TRPV3: variants seen among roughly 807,000 people sequenced by gnomAD.
TRPV3 encodes VRL-3.
In TRPV3, 88 loss-of-function variants were observed where a neutral mutation model predicts 87.1. That is an observed-to-expected ratio of 1.01 (90% CI 0.85 to 1.21). The LOEUF is 1.21. Ranked by LOEUF, TRPV3 falls within the 50% of genes most tolerant of loss-of-function variation. The pLI is 0.00. For synonymous variants in TRPV3, 438 were observed against 423.3 expected, an observed-to-expected ratio of 1.03 and a Z score of -0.43; for missense variants, 1,054 against 1,030.1, an observed-to-expected ratio of 1.02 and a Z score of -0.32.
intron 2 of TRPV3, among the ~76,000 whole-genome samples, chr17:3,550,895 G>T (rs902812800): frequency 6.6e-6 from 1 of 152,138 alleles, no homozygotes; most frequent in Non-Finnish European, 1.5e-5. Context: ...AGAAACTCAG[G>T]GAGACCGAAG....
At chr17:3,540,131 C>CA (rs547622749) in intron 6 of TRPV3, among the ~76,000 whole-genome samples, 111 of 151,758 alleles carry the variant, frequency 7.3e-4, no homozygotes, top group African/African-American at 2.6e-3. Flanking sequence ...ATTTTAGATA[C>CA]AAAAAAATGC....
At chr17:3,514,067 C>A in intron 17 of TRPV3, 56 bp from the exon 18 acceptor site, 10 of 1,418,150 alleles carry the variant, frequency 7.1e-6, no homozygotes, top group Non-Finnish European at 9.6e-6. Context: ...TAGTGTGTTT[C>A]TTTTTTCTTT....
chr17:3,513,978 T>C lies in TRPV3; in HGVS notation c.2312A>G (p.Asn771Ser), dbSNP rs2074147649. The change falls in exon 18 of 18, where the codon AAC becomes AGC. Residue 771 changes from asparagine (N) to serine (S), a missense_variant. By Grantham distance (46) the Asn-to-Ser change is conservative. Transcript: ENST00000576742. ...AAATGCATTGAGAGTGGTTTTGCTG[T>C]TGTTCCTGGAAGAATCTTGGATTTT... Reference protein sequence around the residue: ...FNKIQDSSRNNSKTTLNAFEE... With the variant: ...FNKIQDSSRNSSKTTLNAFEE... 1 of 1,613,968 alleles carries C rather than the reference T, an allele frequency of 6.2e-7. No individual in the cohort carries two copies. The highest frequency in any genetic ancestry group is 8.5e-7 in the Non-Finnish European group (1 of 1,179,960).
rs376004416 is a variant in TRPV3, at chr17:3,521,086, T to G, written c.1744-47A>C. ...TCAAGTGTAAGGTGCAAGCACATAT[T>G]CACGGCACCCTGATCTTCCTGCTTC... On this transcript the variant is annotated intron_variant, in intron 13 of 17. Coordinates refer to ENST00000576742, the MANE Select transcript of TRPV3 (RefSeq NM_145068.4). 27 of 1,270,994 alleles carry G rather than the reference T, an allele frequency of 2.1e-5. No homozygotes were observed. In the African/African-American group the frequency reaches 3.4e-4, roughly 16 times the overall value. The allele number at this position is 1,270,994 out of a possible 1,614,324, so 78.7% of individuals were successfully genotyped here.
chr17:3,552,839 G>C (rs2074591905), intron 2 of TRPV3: 1 of 152,290 alleles, frequency 6.6e-6, no homozygotes, highest in African/African-American at 2.4e-5. Flanking sequence ...GGGCAGGAGA[G>C]CCAGGGAGGT....
At chr17:3,524,398 T>G (rs1337168120) in intron 12 of TRPV3, 35 bp from the exon 13 acceptor site, 1 of 1,610,932 alleles carries the variant, frequency 6.2e-7, no homozygotes, top group South Asian at 1.1e-5. Flanking sequence ...GGGCCTTACT[T>G]ACTTCTCAGC....
Position 3,524,182 on chromosome 17 carries a change from G to A in TRPV3, c.1743+16C>T, listed in dbSNP as rs532327365. On this transcript the variant is annotated intron_variant, in intron 13 of 17. Coordinates refer to ENST00000576742, the MANE Select transcript of TRPV3 (RefSeq NM_145068.4). ...ATCCTCCGAGGGCCCTCCCGCCGGCGCAGCTCTCAACGCACCTTCTGGATC... is the reference window on the plus strand; with the variant it reads ...ATCCTCCGAGGGCCCTCCCGCCGGCACAGCTCTCAACGCACCTTCTGGATC... 815 of 1,611,882 alleles carry A rather than the reference G, an allele frequency of 5.1e-4. 6 individuals are homozygous for A. The South Asian group carries it at 7.3e-3, about 14-fold the overall frequency.
At chr17:3,543,028 A>G in intron 5 of TRPV3, among the ~76,000 whole-genome samples, 1 of 151,370 alleles carries the variant, frequency 6.6e-6, no homozygotes, top group Non-Finnish European at 1.5e-5. Context: ...AATAAAGCTC[A>G]TGGCCTCCCC....
At chr17:3,543,274 C>T (rs74853254) in intron 5 of TRPV3, among the ~76,000 whole-genome samples, 200 bp downstream of exon 5, 2,174 of 152,262 alleles carry the variant, frequency 0.014, 43 homozygotes, top group African/African-American at 0.049. Flanking sequence ...ATCTTCCACA[C>T]AGTAGTCAGA....
At chr17:3,527,848 T>A (rs1439747955) in intron 11 of TRPV3, 177 bp downstream of exon 11, 1 of 596,690 alleles carries the variant, frequency 1.7e-6, no homozygotes, top group African/African-American at 1.9e-5. Context: ...ATGGATGAAG[T>A]AGGTAGGATA....
At chr17:3,519,510 T>TGGATGGATGGATGGATGGGTGGA (rs2074218242) in intron 14 of TRPV3, among the ~76,000 whole-genome samples, 1 of 70,250 alleles carries the variant, frequency 1.4e-5, no homozygotes, top group African/African-American at 5.9e-5. Context: ...GGATGGGTGA[T>TGGATGGATGGATGGATGGGTGGA]TAGATGGATG....
intron 15 of TRPV3, among the ~76,000 whole-genome samples, chr17:3,517,756 T>C (rs1006358220): frequency 2.0e-5 from 3 of 151,356 alleles, no homozygotes; most frequent in African/African-American, 4.8e-5. Flanking sequence ...CCCTCTTTCA[T>C]AGGTTGTTCT....
chr17:3,519,685 G>T (rs1176649311), intron 14 of TRPV3, among the ~76,000 whole-genome samples: 2 of 142,086 alleles, frequency 1.4e-5, no homozygotes, highest in East Asian at 2.2e-4. Flanking sequence ...TGGATGGATG[G>T]ATGATTGGAT....
intron 11 of TRPV3, 99 bp downstream of exon 11, chr17:3,527,926 C>A: frequency 1.0e-6 from 1 of 969,718 alleles, no homozygotes. Context: ...GAAACGCCTC[C>A]CCAGAACCCC....
chr17:3,542,561 T>C lies in TRPV3; in HGVS notation c.604A>G (p.Arg202Gly). 1.2e-6 allele frequency: 2 copies of C among 1,614,158 alleles called. No homozygotes were observed. Among genetic ancestry groups the C allele is most frequent in the South Asian group, 2.2e-5 (2 of 91,082 alleles). The change falls in exon 6 of 18, where the codon AGG becomes GGG. Residue 202 changes from arginine to glycine, a missense_variant. Transcript: ENST00000576742. ...AFAEENDILG[R>G]FINAEYTEEA... ...TCTGTGTACTCGGCGTTGATGAACCTGCCCAGGATGTCGTTCTCTTCAGCA... is the reference window on the plus strand; with the variant it reads ...TCTGTGTACTCGGCGTTGATGAACCCGCCCAGGATGTCGTTCTCTTCAGCA...
intron 1 of TRPV3, among the ~76,000 whole-genome samples, chr17:3,555,263 G>A (rs1405876404): frequency 6.6e-6 from 1 of 152,214 alleles, no homozygotes. Flanking sequence ...GTCCCAGGCG[G>A]ACTCCTAAGC....
chr17:3,549,939 G>A (rs999650768), intron 2 of TRPV3, among the ~76,000 whole-genome samples: 1 of 149,990 alleles, frequency 6.7e-6, no homozygotes, highest in Non-Finnish European at 1.5e-5. Flanking sequence ...TGGATGGACA[G>A]ATGATGTATG....
At position 3,511,965 on chromosome 17, in the gene TRPV3, A is replaced by C. The variant is rs1459194054; in HGVS notation, c.*1952T>G. The C allele has an allele frequency of 6.6e-6, 1 of 152,188 alleles. No homozygotes were observed. Among genetic ancestry groups the C allele is most frequent in the African/African-American group, 2.4e-5 (1 of 41,434 alleles). The allele number at this position is 152,188 out of a possible 1,614,324, so 9.4% of individuals were successfully genotyped here. A position where few individuals can be genotyped will look rare whatever the true frequency, so the allele number is the denominator to read the frequency against. Reference sequence around the variant, plus strand: ...AGACCAAGATGTCTGTTCAGGCTTAATGCGGGTAGCTAACTCCAGATGTGG... The same window carrying C: ...AGACCAAGATGTCTGTTCAGGCTTACTGCGGGTAGCTAACTCCAGATGTGG... On this transcript the variant is annotated 3_prime_UTR_variant, in exon 18 of 18. Transcript: ENST00000576742.
intron 11 of TRPV3, among the ~76,000 whole-genome samples, chr17:3,527,463 T>C (rs8079278): frequency 0.64 from 97,189 of 151,856 alleles, 31,449 homozygotes; most frequent in East Asian, 0.89. Context: ...TATTTATGCC[T>C]ATGCTATGTC....
Sources: allele counts gnomAD v4.1 joint callset (sites outside exome capture counted in the v4.1 genomes callset), GRCh38; gene constraint gnomAD v4.1.1; transcripts MANE v1.5; gene names NCBI Gene and HGNC (gene_info 2026-07-23, HGNC 2026-07-21).